The following VPS41 variants were observed in gnomAD, a reference collection of about 807,000 sequenced individuals.
The protein encoded by VPS41 is vacuolar protein sorting-associated protein 41 homolog.
VPS41 carries 85 observed loss-of-function variants against 130.9 expected under a neutral mutation model. The observed-to-expected ratio is 0.65, with a 90% CI of 0.55 to 0.78. The LOEUF (loss-of-function observed/expected upper bound fraction) is 0.78, where lower values mean the gene tolerates loss of function less well. Among genes scored for constraint, VPS41 ranks in the 30% least tolerant of loss-of-function variants. The probability of loss-of-function intolerance (pLI) is 0.00; values close to 1 mark genes in which losing one functional copy is unlikely to be tolerated. For missense variants in VPS41, 874 were observed against 1,018.7 expected (o/e 0.86, Z 1.93); for synonymous variants, 335 against 332.9 (o/e 1.01, Z -0.07).
chr7:38,886,629 C>T (rs749742271), intron 2 of VPS41, among the ~76,000 whole-genome samples: 1 of 152,248 alleles, frequency 6.6e-6, no homozygotes, highest in Non-Finnish European at 1.5e-5. Context: ...CTTCTCCAGA[C>T]TTAAATGTCC....
intron 22 of VPS41, among the ~76,000 whole-genome samples, chr7:38,751,242 T>C (rs2115697472): frequency 6.6e-6 from 1 of 152,376 alleles, no homozygotes; most frequent in Non-Finnish European, 1.5e-5. Flanking sequence ...AACTGTGTTA[T>C]CATCCAGCTT....
intron 3 of VPS41, among the ~76,000 whole-genome samples, chr7:38,868,724 C>T (rs951627793): frequency 6.6e-6 from 1 of 152,116 alleles, no homozygotes; most frequent in African/African-American, 2.4e-5. Flanking sequence ...ATAACACCTA[C>T]AATGTAATCC....
At chr7:38,890,933 G>A (rs894074010) in intron 2 of VPS41, among the ~76,000 whole-genome samples, 5 of 152,034 alleles carry the variant, frequency 3.3e-5, no homozygotes, top group South Asian at 4.2e-4. Context: ...TGATCCTCCC[G>A]CCTTGACCTC....
intron 2 of VPS41, among the ~76,000 whole-genome samples, chr7:38,876,553 GCT>G (rs1366813835): frequency 2.6e-5 from 4 of 152,140 alleles, no homozygotes; most frequent in Admixed American, 6.5e-5. Flanking sequence ...ACTGTTGTGA[GCT>G]ATTGCCAATA....
rs1309832810 is a variant in VPS41 at position 38,725,578 on chromosome 7, C to T, written c.*668G>A. ...ACAATGAGAAGAGCTAACATTTATTCAATCAACAAATGCTGAGTGTCCGCC... is the reference window on the plus strand; with the variant it reads ...ACAATGAGAAGAGCTAACATTTATTTAATCAACAAATGCTGAGTGTCCGCC... On this transcript the variant is annotated 3_prime_UTR_variant, in exon 29 of 29. Transcript: ENST00000310301. The T allele has an allele frequency of 6.6e-6, 1 of 152,236 alleles. No homozygotes were observed. Among genetic ancestry groups the T allele is most frequent in the Non-Finnish European group, 1.5e-5 (1 of 68,056 alleles). The allele number at this position is 152,236 out of a possible 1,614,324, so 9.4% of individuals were successfully genotyped here.
intron 22 of VPS41, among the ~76,000 whole-genome samples, chr7:38,748,777 A>G (rs1796037643): frequency 6.6e-6 from 1 of 152,082 alleles, no homozygotes; most frequent in Non-Finnish European, 1.5e-5. Flanking sequence ...TTTAAACCTG[A>G]AAATGATTCC....
intron 2 of VPS41, among the ~76,000 whole-genome samples, chr7:38,889,601 T>C (rs1786816984): frequency 6.7e-6 from 1 of 149,494 alleles, no homozygotes; most frequent in Admixed American, 6.7e-5. Flanking sequence ...AAGATAAAGA[T>C]ACTCTCATAT....
At chr7:38,882,360 T>C (rs904961443) in intron 2 of VPS41, among the ~76,000 whole-genome samples, 3 of 152,190 alleles carry the variant, frequency 2.0e-5, no homozygotes, top group South Asian at 2.1e-4. Flanking sequence ...CCTTTGCTGA[T>C]TTCCCTTCAT....
intron 19 of VPS41, among the ~76,000 whole-genome samples, chr7:38,755,401 A>G (rs140146524): frequency 1.3e-5 from 2 of 152,346 alleles, no homozygotes; most frequent in Admixed American, 1.3e-4. Flanking sequence ...GGAGAAGGGA[A>G]TAAGAGTCAG....
intron 2 of VPS41, 102 bp from the exon 3 acceptor site, chr7:38,869,355 T>C (rs965071893): frequency 4.9e-5 from 36 of 741,296 alleles, no homozygotes; most frequent in East Asian, 4.6e-4. Context: ...GTTCCTTCAA[T>C]GATGTTAATA....
At chr7:38,727,583 A>G (rs1795572421) in intron 27 of VPS41, among the ~76,000 whole-genome samples, 1 of 152,180 alleles carries the variant, frequency 6.6e-6, no homozygotes, top group Admixed American at 6.5e-5. Flanking sequence ...TTTTGCTGCA[A>G]CACTGTCTGA....
intron 2 of VPS41, among the ~76,000 whole-genome samples, chr7:38,891,563 C>A (rs142137326): frequency 6.6e-6 from 1 of 152,204 alleles, no homozygotes; most frequent in Admixed American, 6.5e-5. Flanking sequence ...CAGATACACA[C>A]ATAATATCTG....
chr7:38,872,572 T>G (rs146950112), intron 2 of VPS41, among the ~76,000 whole-genome samples: 1 of 152,200 alleles, frequency 6.6e-6, no homozygotes, highest in Non-Finnish European at 1.5e-5. Flanking sequence ...ATACCTGTTA[T>G]TAACTTTCCA....
chr7:38,748,289 G>T (rs1211747273), intron 22 of VPS41, among the ~76,000 whole-genome samples: 1 of 152,070 alleles, frequency 6.6e-6, no homozygotes. Flanking sequence ...AATAGAACTT[G>T]AGTAAAAAAT....
chr7:38,797,596 T>C (rs975042205), intron 7 of VPS41, among the ~76,000 whole-genome samples: 1 of 152,206 alleles, frequency 6.6e-6, no homozygotes, highest in African/African-American at 2.4e-5. Context: ...AGAAAAGACA[T>C]TTATACAGTA....
intron 4 of VPS41, among the ~76,000 whole-genome samples, chr7:38,854,138 G>A (rs1038292871): frequency 2.0e-5 from 3 of 152,002 alleles, no homozygotes; most frequent in South Asian, 2.1e-4. Flanking sequence ...CTCAAAATAC[G>A]GGGTTCAAAT....
intron 4 of VPS41, among the ~76,000 whole-genome samples, chr7:38,840,688 T>C (rs1029969902): frequency 6.6e-6 from 1 of 152,136 alleles, no homozygotes; most frequent in African/African-American, 2.4e-5. Context: ...AACAAAGTAA[T>C]GCAAAATAAA....
rs757692785 is a variant in VPS41, at chr7:38,771,219, AT to A, written c.1163del (p.Asn388IlefsTer15). 4 of 1,600,618 alleles carry A rather than the reference AT, an allele frequency of 2.5e-6. No homozygotes were observed. Among genetic ancestry groups the A allele is most frequent in the African/African-American group, 1.3e-5 (1 of 74,266 alleles). ...ALMAAEISQK[N>X]IKRHKILDIG... ...TTACCAGAATCTTATGTCTTTTAAT[AT>A]TTTTTTGGCTAATTTCAGCTGCCAT... On this transcript the variant is annotated frameshift_variant, in exon 14 of 29. Coordinates refer to ENST00000310301, the MANE Select transcript of VPS41 (RefSeq NM_014396.4). LOFTEE classifies it high-confidence loss of function.
chr7:38,764,359 A>G (rs1485401160), intron 16 of VPS41, among the ~76,000 whole-genome samples: 1 of 152,210 alleles, frequency 6.6e-6, no homozygotes, highest in Admixed American at 6.5e-5. Context: ...AGAGGAGCCC[A>G]GAGATGCGAG....
Sources: gnomAD v4.1 joint callset for allele counts (sites outside exome capture counted in the v4.1 genomes callset) on GRCh38, gnomAD v4.1.1 for gene constraint, MANE v1.5 for transcripts, NCBI Gene and HGNC (gene_info 2026-07-23, HGNC 2026-07-21) for gene names.